CYP7B1: variants seen among roughly 807,000 people sequenced by gnomAD.
The protein encoded by CYP7B1 is cytochrome P450 family 7 subfamily B member 1.
Under a neutral mutation model 42.7 loss-of-function variants are expected in CYP7B1, and 29 were observed. That is an observed-to-expected ratio of 0.68 (90% CI 0.51 to 0.93). The LOEUF is 0.93. Ranked by LOEUF, CYP7B1 falls within the 40% of genes least tolerant of loss-of-function variation. The pLI is 0.00. For missense variants in CYP7B1, 655 were observed against 600.5 expected (o/e 1.09, Z -0.95); for synonymous variants, 235 against 218.2 (o/e 1.08, Z -0.68).
rs140061583 is a variant in CYP7B1, at chr8:64,785,902, A to G, written c.122+12564T>C. ...GGAGGCCTCAGGAAAACTGACTATC[A>G]TGATGGAAAGGGAAACAAACACATC... On this transcript the variant is annotated intron_variant, in intron 1 of 5. Transcript: ENST00000310193. Among the ~76,000 whole-genome samples the G allele has an allele frequency of 5.3e-3, 807 of 152,348 alleles. 2 individuals are homozygous for G. Among genetic ancestry groups the G allele is most frequent in the Admixed American group, 7.1e-3 (109 of 15,304 alleles).
At chr8:64,600,195 A>C (rs1045417986) in intron 5 of CYP7B1, among the ~76,000 whole-genome samples, 2 of 152,264 alleles carry the variant, frequency 1.3e-5, no homozygotes, top group Admixed American at 6.5e-5. Flanking sequence ...ATATTGAAGC[A>C]CTAGAAATCA....
In CYP7B1 at chr8:64,591,496, T is replaced by C. The variant is rs1046004065; in HGVS notation, c.*5146A>G. Among the ~76,000 whole-genome samples, 1 of 152,194 alleles carries C rather than the reference T, an allele frequency of 6.6e-6. No homozygotes were observed. The highest frequency in any genetic ancestry group is 2.4e-5 in the African/African-American group (1 of 41,450). On this transcript the variant is annotated 3_prime_UTR_variant, in exon 6 of 6. Coordinates refer to ENST00000310193, the MANE Select transcript of CYP7B1 (RefSeq NM_004820.5). ...ATACTAGGATCAAACACTAGATAAATGTTGTGCTTTGGTCTTTGAACAGTT... is the reference window on the plus strand; with the variant it reads ...ATACTAGGATCAAACACTAGATAAACGTTGTGCTTTGGTCTTTGAACAGTT...
chr8:64,721,453 A>C (rs1807234948), intron 1 of CYP7B1, among the ~76,000 whole-genome samples: 2 of 152,164 alleles, frequency 1.3e-5, no homozygotes. Flanking sequence ...TAAATATATC[A>C]ATCTGTAAAA....
At chr8:64,682,410 T>C (rs1432826073) in intron 1 of CYP7B1, among the ~76,000 whole-genome samples, 1 of 152,236 alleles carries the variant, frequency 6.6e-6, no homozygotes, top group Non-Finnish European at 1.5e-5. Context: ...GCTAACCTTT[T>C]TTACTGCAAG....
intron 1 of CYP7B1, among the ~76,000 whole-genome samples, chr8:64,788,016 C>T (rs559800588): frequency 6.6e-6 from 1 of 152,290 alleles, no homozygotes; most frequent in African/African-American, 2.4e-5. Flanking sequence ...GCCCCAAGAT[C>T]CAATCACTTC....
intron 1 of CYP7B1, among the ~76,000 whole-genome samples, chr8:64,774,304 C>T (rs890504898): frequency 6.6e-6 from 1 of 152,152 alleles, no homozygotes. Flanking sequence ...TAACCAGTAG[C>T]TAACAAAGCA....
intron 1 of CYP7B1, among the ~76,000 whole-genome samples, chr8:64,657,969 T>C (rs944508120): frequency 9.9e-5 from 15 of 152,176 alleles, no homozygotes; most frequent in Admixed American, 2.0e-4. Flanking sequence ...CACTGGCAGA[T>C]CAAGGCATCG....
intron 1 of CYP7B1, among the ~76,000 whole-genome samples, chr8:64,694,599 T>TA (rs1806796499): frequency 1.3e-5 from 2 of 152,192 alleles, no homozygotes; most frequent in Admixed American, 1.3e-4. Flanking sequence ...TAGAAACTCT[T>TA]ACAGCAATTT....
chr8:64,706,249 T>C (rs1336602819), intron 1 of CYP7B1, among the ~76,000 whole-genome samples: 1 of 151,976 alleles, frequency 6.6e-6, no homozygotes, highest in African/African-American at 2.4e-5. Context: ...AAGGTGAAGG[T>C]GAAGTTAGAA....
chr8:64,714,870 G>T (rs1807132839), intron 1 of CYP7B1, among the ~76,000 whole-genome samples: 1 of 152,082 alleles, frequency 6.6e-6, no homozygotes, highest in Non-Finnish European at 1.5e-5. Flanking sequence ...AGAGAGACAG[G>T]ATGTCTTATA....
chr8:64,623,683 CTTTA>C (rs1805564663), intron 2 of CYP7B1, among the ~76,000 whole-genome samples: 1 of 151,920 alleles, frequency 6.6e-6, no homozygotes, highest in African/African-American at 2.4e-5. Context: ...TGTTTTGGTA[CTTTA>C]TTAAAGTCTG....
At chr8:64,776,178 G>T (rs1804324546) in intron 1 of CYP7B1, among the ~76,000 whole-genome samples, 2 of 152,126 alleles carry the variant, frequency 1.3e-5, no homozygotes, top group South Asian at 4.1e-4. Flanking sequence ...TTCTTTACTT[G>T]ATCTTACCAA....
In CYP7B1 at chr8:64,615,933, C is replaced by T. The variant is rs746173425; in HGVS notation, c.608G>A (p.Cys203Tyr). 51 of 1,613,392 alleles carry T rather than the reference C, an allele frequency of 3.2e-5. No individual in the cohort carries two copies. Among genetic ancestry groups the T allele is most frequent in the Non-Finnish European group, 4.2e-5 (50 of 1,179,694 alleles). Reference protein sequence around the residue: ...FTTIYGKVIVCDNNKFISELR... With the variant: ...FTTIYGKVIVYDNNKFISELR... ...CTCACTAATAAATTTGTTGTTGTCACAAACAATAACTTTTCCATATATAGT... is the reference window on the plus strand; with the variant it reads ...CTCACTAATAAATTTGTTGTTGTCATAAACAATAACTTTTCCATATATAGT... Residue 203 changes from cysteine to tyrosine, a missense_variant, in exon 3 of 6, where the codon TGT becomes TAT. Coordinates refer to ENST00000310193, the MANE Select transcript of CYP7B1 (RefSeq NM_004820.5).
chr8:64,751,242 C>T (rs753680826), intron 1 of CYP7B1, among the ~76,000 whole-genome samples: 61 of 152,128 alleles, frequency 4.0e-4, no homozygotes, highest in Non-Finnish European at 7.4e-4. Flanking sequence ...ATAACCACTG[C>T]TAGTATTTAG....
rs1412378730 is a variant in CYP7B1 at position 64,722,642 on chromosome 8, T to C, written c.122+75824A>G. ...ATATTTGCAATTTTCACTTTTATGG[T>C]TTCAACTCCTGATGCTTACCTAGGA... On this transcript the variant is annotated intron_variant, in intron 1 of 5. Transcript: ENST00000310193. Among the ~76,000 whole-genome samples, 6 of 150,272 alleles carry C rather than the reference T, an allele frequency of 4.0e-5. No individual in the cohort carries two copies. The East Asian group carries it at 1.2e-3, about 30-fold the overall frequency.
At chr8:64,741,289 A>G (rs1316451118) in intron 1 of CYP7B1, among the ~76,000 whole-genome samples, 1 of 152,148 alleles carries the variant, frequency 6.6e-6, no homozygotes, top group Non-Finnish European at 1.5e-5. Context: ...TTTGCGCATA[A>G]CATGATTCTT....
chr8:64,728,257 TC>T (rs1206358171), intron 1 of CYP7B1: 1 of 152,242 alleles, frequency 6.6e-6, no homozygotes, highest in African/African-American at 2.4e-5. Context: ...CTAGACTGGT[TC>T]TTTTTCCATG....
intron 1 of CYP7B1, among the ~76,000 whole-genome samples, chr8:64,692,210 A>G (rs1480569914): frequency 6.6e-6 from 1 of 152,232 alleles, no homozygotes; most frequent in Non-Finnish European, 1.5e-5. Flanking sequence ...CTCCATGTCA[A>G]TAAGGGGATA....
chr8:64,616,218 T>A lies in CYP7B1; in HGVS notation c.323A>T (p.Gln108Leu). Residue 108 changes from glutamine to leucine, a missense_variant, in exon 3 of 6, where the codon CAA becomes CTA. Gln to Leu is a moderately radical substitution (Grantham distance 113, BLOSUM62 -2). Transcript: ENST00000310193. ...ATTAGAAAATACTCGAAAGCTTAATTGTTTATGATTTTTTATCACTAGCTG... is the reference window on the plus strand; with the variant it reads ...ATTAGAAAATACTCGAAAGCTTAATAGTTTATGATTTTTTATCACTAGCTG... Reference protein sequence around the residue: ...QYQLVIKNHKQLSFRVFSNKL... With the variant: ...QYQLVIKNHKLLSFRVFSNKL... The A allele has an allele frequency of 6.2e-7, 1 of 1,610,912 alleles. No homozygotes were observed.
Sources: allele counts gnomAD v4.1 joint callset (sites outside exome capture counted in the v4.1 genomes callset), GRCh38; gene constraint gnomAD v4.1.1; transcripts MANE v1.5; gene names NCBI Gene and HGNC (gene_info 2026-07-23, HGNC 2026-07-21).